ALDH16A1: variants seen among roughly 807,000 people sequenced by gnomAD.
ALDH16A1 encodes the protein aldehyde dehydrogenase family 16 member A1.
A neutral mutation model predicts 96.1 loss-of-function variants in ALDH16A1; 88 were observed. The observed-to-expected ratio is 0.92, with a 90% CI of 0.77 to 1.09. The LOEUF (loss-of-function observed/expected upper bound fraction) is 1.09. Among genes scored for constraint, ALDH16A1 ranks in the 50% least tolerant of loss-of-function variants. ALDH16A1 has a pLI of 0.00. For missense variants in ALDH16A1, 1,250 were observed against 1,112.6 expected, an observed-to-expected ratio of 1.12 and a Z score of -1.76; for synonymous variants, 522 against 496.4, an observed-to-expected ratio of 1.05 and a Z score of -0.69.
At chr19:49,467,348 G>A (rs1458437812) in intron 14 of ALDH16A1, among the ~76,000 whole-genome samples, 1 of 150,872 alleles carries the variant, frequency 6.6e-6, no homozygotes, top group Admixed American at 6.6e-5. Context: ...ATGAGATTTG[G>A]GTGGGACATC....
At chr19:49,462,350 G>C (rs1751063138) in intron 7 of ALDH16A1, among the ~76,000 whole-genome samples, 1 of 152,126 alleles carries the variant, frequency 6.6e-6, no homozygotes, top group African/African-American at 2.4e-5. Context: ...GGCCAGGCTG[G>C]TCTCGAACTC....
In ALDH16A1 at chr19:49,470,726, G is replaced by A; in HGVS notation, c.*259G>A. ...CGCAGTGGCACAATCTCGGCCCACT[G>A]CAGCCTCGACCTCTGGGGCTCAAGG... On this transcript the variant is annotated 3_prime_UTR_variant, in exon 17 of 17. Coordinates refer to ENST00000293350, the MANE Select transcript of ALDH16A1 (RefSeq NM_153329.4). The A allele has an allele frequency of 3.0e-6, 1 of 337,036 alleles. No individual in the cohort carries two copies. The highest frequency in any genetic ancestry group is 5.3e-6 in the Non-Finnish European group (1 of 189,822). The allele number at this position is 337,036 out of a possible 1,614,324, so 20.9% of individuals were successfully genotyped here.
intron 1 of ALDH16A1, among the ~76,000 whole-genome samples, chr19:49,455,118 C>CA (rs1351417767): frequency 4.0e-5 from 6 of 149,406 alleles, no homozygotes; most frequent in Non-Finnish European, 7.4e-5. Flanking sequence ...ACGCTGTCTC[C>CA]AAAAAAAATA....
At chr19:49,466,837 G>C (rs2122418987) in intron 14 of ALDH16A1, among the ~76,000 whole-genome samples, 1 of 151,828 alleles carries the variant, frequency 6.6e-6, no homozygotes, top group Non-Finnish European at 1.5e-5. Context: ...TCCAGCCTGA[G>C]TGACAGAGTG....
chr19:49,470,378 G>A lies in ALDH16A1; in HGVS notation c.2320G>A (p.Ala774Thr), dbSNP rs1391914232. Residue 774 changes from alanine to threonine, a missense_variant, in exon 17 of 17, where the codon GCC becomes ACC. By Grantham distance (58) the Ala-to-Thr change is moderately conservative. Coordinates refer to ENST00000293350, the MANE Select transcript of ALDH16A1 (RefSeq NM_153329.4). ...PVWASRGCPR[A>T]WDQEAEGAGP... ...GTGGGCGAGCAGGGGCTGCCCGCGG[G>A]CCTGGGACCAGGAGGCCGAGGGGGC... 1 of 1,612,856 alleles carries A rather than the reference G, an allele frequency of 6.2e-7. No homozygotes were observed. Among genetic ancestry groups the A allele is most frequent in the Non-Finnish European group, 8.5e-7 (1 of 1,179,766 alleles).
At position 49,470,468 on chromosome 19, in the gene ALDH16A1, T is replaced by A. The variant is rs769022796; in HGVS notation, c.*1T>A. 7.0e-6 allele frequency: 11 copies of A among 1,560,612 alleles called. No individual in the cohort carries two copies. Among genetic ancestry groups the A allele is most frequent in the Non-Finnish European group, 9.5e-6 (11 of 1,156,010 alleles). ...CCTGTGGCTGCCTATGGGGGACTGA[T>A]GCCTGAGCGCCACCTACTGCATTTT... On this transcript the variant is annotated 3_prime_UTR_variant, in exon 17 of 17. Coordinates refer to ENST00000293350, the MANE Select transcript of ALDH16A1 (RefSeq NM_153329.4).
intron 1 of ALDH16A1, among the ~76,000 whole-genome samples, chr19:49,454,024 T>TTTTGTG (rs1568645978): frequency 1.8e-5 from 2 of 114,048 alleles, no homozygotes; most frequent in Non-Finnish European, 3.9e-5. Flanking sequence ...GGTTGGGTTT[T>TTTTGTG]TTTTTTGTTT....
At position 49,458,940 on chromosome 19, in the gene ALDH16A1, C is replaced by T; in HGVS notation, c.194-20C>T. 5 of 1,599,604 alleles carry T rather than the reference C, an allele frequency of 3.1e-6. No individual in the cohort carries two copies. Among genetic ancestry groups the T allele is most frequent in the Admixed American group, 1.7e-5 (1 of 59,196 alleles). On this transcript the variant is annotated intron_variant, in intron 2 of 16. Coordinates refer to ENST00000293350, the MANE Select transcript of ALDH16A1 (RefSeq NM_153329.4). Reference sequence around the variant, plus strand: ...CATGGGCTACTCCTCCCATCTGAGTCCCCCCACTTTTCTCCCCAGGAGAGA... The same window carrying T: ...CATGGGCTACTCCTCCCATCTGAGTTCCCCCACTTTTCTCCCCAGGAGAGA...
intron 16 of ALDH16A1, 33 bp downstream of exon 16, chr19:49,469,019 T>C: frequency 6.3e-7 from 1 of 1,583,982 alleles, no homozygotes; most frequent in Non-Finnish European, 8.6e-7. Context: ...ATCTTCAGCA[T>C]CTCAAACTTC....
intron 14 of ALDH16A1, 114 bp downstream of exon 14, chr19:49,466,397 C>T (rs2079199470): frequency 1.8e-6 from 2 of 1,116,374 alleles, no homozygotes; most frequent in Non-Finnish European, 1.2e-6. Context: ...CCTTCCACGG[C>T]AGGATCATCA....
intron 1 of ALDH16A1, 33 bp downstream of exon 1, chr19:49,453,454 C>G (rs2079084370): frequency 1.3e-6 from 2 of 1,504,374 alleles, no homozygotes; most frequent in South Asian, 1.2e-5. Flanking sequence ...CTGCTCGCTG[C>G]GTTCCCCAGG....
chr19:49,460,982 CAAGGGGGCTGGAGGCCTGGACTCTGTGG>C, intron 5 of ALDH16A1, 83 bp downstream of exon 5: 8 of 1,452,734 alleles, frequency 5.5e-6, no homozygotes, highest in Non-Finnish European at 7.7e-6. Context: ...GTCTGAGAGA[CAAGGGGGCTGGAGGCCTGGACTCTGTGG>C]AAGGAGTCTG....
chr19:49,470,619 G>T lies in ALDH16A1; in HGVS notation c.*152G>T. The T allele has an allele frequency of 1.4e-6, 1 of 698,696 alleles. No homozygotes were observed. The highest frequency in any genetic ancestry group is 2.1e-6 in the Non-Finnish European group (1 of 486,158). 43.3% of individuals were successfully genotyped at this position (698,696 alleles called of 1,614,324 possible). A position where few individuals can be genotyped will look rare whatever the true frequency, so the allele number is the denominator to read the frequency against. ...TGCTTCTGCGAGAAGAAAGGGTGTA[G>T]CAACTTCTGGCAGATATGAGGCTTT... On this transcript the variant is annotated 3_prime_UTR_variant, in exon 17 of 17. Transcript: ENST00000293350.
intron 16 of ALDH16A1, 74 bp from the exon 17 acceptor site, chr19:49,470,231 TC>T (rs1202457900): frequency 2.6e-6 from 4 of 1,557,816 alleles, no homozygotes; most frequent in African/African-American, 1.4e-5. Flanking sequence ...TCAGTAACAG[TC>T]TTCATCGCGG....
In ALDH16A1 at chr19:49,468,369, C is replaced by T. The variant is rs2122425145; in HGVS notation, c.1939-12C>T. On this transcript the variant is annotated splice_polypyrimidine_tract_variant and intron_variant, in intron 14 of 16. Coordinates refer to ENST00000293350, the MANE Select transcript of ALDH16A1 (RefSeq NM_153329.4). The surrounding 1 kb of genome is among the most constrained non-coding windows in gnomAD (Gnocchi z 4.4). ...CTCCCCTGCCCCACACGTGACCCAC[C>T]TGTCCCTGCAGGTAGCCGGGCTGAG... is the stretch of plus-strand genomic sequence containing the variant. The T allele has an allele frequency of 6.3e-7, 1 of 1,597,186 alleles. No individual in the cohort carries two copies. Among genetic ancestry groups the T allele is most frequent in the East Asian group, 2.2e-5 (1 of 44,834 alleles).
chr19:49,454,464 C>T (rs916565426), intron 1 of ALDH16A1, among the ~76,000 whole-genome samples: 4 of 152,066 alleles, frequency 2.6e-5, no homozygotes, highest in Admixed American at 1.3e-4. Context: ...GTCCCATGAT[C>T]CCCTGGGGGT....
At chr19:49,465,612 G>T in intron 12 of ALDH16A1, 126 bp from the exon 13 acceptor site, 1 of 1,179,132 alleles carries the variant, frequency 8.5e-7, no homozygotes, top group South Asian at 1.6e-5. Context: ...AGAGGCTCAT[G>T]GGAACAGGGG....
At position 49,453,342 on chromosome 19, in the gene ALDH16A1, C is replaced by T; in HGVS notation, c.11C>T (p.Thr4Met). The change falls in exon 1 of 17, where the codon ACG becomes ATG. Residue 4 changes from threonine (T) to methionine (M), a missense_variant. Coordinates refer to ENST00000293350, the MANE Select transcript of ALDH16A1 (RefSeq NM_153329.4). MAA[T>M]RAGPRAREIF... The stretch of plus-strand genomic sequence containing the variant: ...CGTTCGGGGTAGGCGATGGCTGCGA[C>T]GCGTGCAGGGCCCCGCGCCCGCGAG... The T allele has an allele frequency of 1.9e-6, 3 of 1,554,772 alleles. No homozygotes were observed. Among genetic ancestry groups the T allele is most frequent in the Non-Finnish European group, 2.6e-6 (3 of 1,152,318 alleles).
chr19:49,467,426 G>A (rs1390652564), intron 14 of ALDH16A1, among the ~76,000 whole-genome samples: 1 of 141,234 alleles, frequency 7.1e-6, no homozygotes. Flanking sequence ...ACAGAGTCTC[G>A]CTCTGTCGCC....
Sources: gnomAD v4.1 joint callset for allele counts (sites outside exome capture counted in the v4.1 genomes callset) on GRCh38, gnomAD v4.1.1 for gene constraint, Gnocchi (gnomAD v3.1) non-coding constraint, MANE v1.5 for transcripts, NCBI Gene and HGNC (gene_info 2026-07-23, HGNC 2026-07-21) for gene names.